The following PEX14 variants were observed in gnomAD, a reference collection of about 807,000 sequenced individuals.
The protein encoded by PEX14 is peroxisomal biogenesis factor 14.
PEX14 carries 15 observed loss-of-function variants against 49.5 expected under a neutral mutation model. The observed-to-expected ratio is 0.30, with a 90% CI of 0.20 to 0.47. PEX14 has a LOEUF of 0.47. Ranked by LOEUF, PEX14 falls within the 20% of genes least tolerant of loss-of-function variation. The pLI is 1.00. For missense variants in PEX14, 398 were observed against 494.8 expected, an observed-to-expected ratio of 0.80 and a Z score of 1.86; for synonymous variants, 210 against 212.7, an observed-to-expected ratio of 0.99 and a Z score of 0.11.
At chr1:10,600,016 C>T (rs1475986210) in intron 4 of PEX14, among the ~76,000 whole-genome samples, 2 of 152,184 alleles carry the variant, frequency 1.3e-5, no homozygotes, top group African/African-American at 4.8e-5. Context: ...TAAATGCATA[C>T]CTCCAAAATG....
At chr1:10,585,354 G>A (rs1640449947) in intron 3 of PEX14, among the ~76,000 whole-genome samples, 1 of 152,084 alleles carries the variant, frequency 6.6e-6, no homozygotes, top group Non-Finnish European at 1.5e-5. Context: ...AGAGAAAAGA[G>A]AGCACTAAAC....
intron 3 of PEX14, among the ~76,000 whole-genome samples, chr1:10,574,627 G>A (rs181542785): frequency 2.8e-4 from 43 of 152,144 alleles, no homozygotes; most frequent in Middle Eastern, 3.4e-3. Context: ...AAAAACAGGA[G>A]ATGCTACACA....
At chr1:10,576,925 G>A (rs552195489) in intron 3 of PEX14, among the ~76,000 whole-genome samples, 2 of 151,818 alleles carry the variant, frequency 1.3e-5, no homozygotes, top group African/African-American at 2.4e-5. Flanking sequence ...GCTAATTTTT[G>A]TATTTTTAGT....
chr1:10,557,710 A>T (rs965114974), intron 3 of PEX14, among the ~76,000 whole-genome samples: 2 of 152,216 alleles, frequency 1.3e-5, no homozygotes, highest in Non-Finnish European at 2.9e-5. Context: ...CAGCCTCAAC[A>T]CCAGTTGGCC....
chr1:10,601,203 A>C (rs1378453234), intron 4 of PEX14, among the ~76,000 whole-genome samples: 1 of 150,162 alleles, frequency 6.7e-6, no homozygotes, highest in Non-Finnish European at 1.5e-5. Context: ...TGGAGGTTGC[A>C]ATGAGCTGAG....
At chr1:10,607,172 G>T (rs907135632) in intron 4 of PEX14, among the ~76,000 whole-genome samples, 3 of 150,188 alleles carry the variant, frequency 2.0e-5, no homozygotes, top group Non-Finnish European at 4.4e-5. Context: ...TTTTCTTTCC[G>T]CTCAGCGTAG....
At chr1:10,615,662 G>T (rs1641393551) in intron 4 of PEX14, among the ~76,000 whole-genome samples, 1 of 152,228 alleles carries the variant, frequency 6.6e-6, no homozygotes, top group Admixed American at 6.5e-5. Context: ...CAGGGTGCGT[G>T]TCCCCATGTG....
At chr1:10,574,492 A>C (rs1315102936) in intron 3 of PEX14, among the ~76,000 whole-genome samples, 1 of 152,216 alleles carries the variant, frequency 6.6e-6, no homozygotes, top group East Asian at 1.9e-4. Context: ...ATATTAAACC[A>C]TGTATATCAT....
At chr1:10,478,066 T>A (rs75722528) in intron 1 of PEX14, among the ~76,000 whole-genome samples, 6 of 151,796 alleles carry the variant, frequency 4.0e-5, no homozygotes, top group African/African-American at 1.2e-4. Flanking sequence ...TTTTTTTTTT[T>A]AAGTAGAAAT....
At chr1:10,594,676 G>A (rs979100854) in intron 3 of PEX14, among the ~76,000 whole-genome samples, 6 of 152,312 alleles carry the variant, frequency 3.9e-5, no homozygotes, top group Admixed American at 6.5e-5. Flanking sequence ...GCCAAGCCCC[G>A]TGGCAGTGCC....
intron 2 of PEX14, among the ~76,000 whole-genome samples, chr1:10,535,354 A>G (rs1638768940): frequency 6.6e-6 from 1 of 152,218 alleles, no homozygotes; most frequent in Non-Finnish European, 1.5e-5. Flanking sequence ...AGATAGGAAG[A>G]TTTCATTAAA....
chr1:10,598,818 C>G (rs1359548347), intron 3 of PEX14, among the ~76,000 whole-genome samples: 2 of 151,948 alleles, frequency 1.3e-5, no homozygotes, highest in African/African-American at 2.4e-5. Flanking sequence ...GTCGTCTCAC[C>G]CAATAATTAG....
At chr1:10,600,322 G>A (rs1418912991) in intron 4 of PEX14, among the ~76,000 whole-genome samples, 8 of 152,184 alleles carry the variant, frequency 5.3e-5, no homozygotes, top group Admixed American at 5.2e-4. Context: ...TCAGGAGGCT[G>A]AGGAAGGAGA....
chr1:10,615,108 T>G (rs189790435), intron 4 of PEX14, among the ~76,000 whole-genome samples: 1 of 152,070 alleles, frequency 6.6e-6, no homozygotes, highest in Non-Finnish European at 1.5e-5. Context: ...AGACACCGAG[T>G]GTCACTGCAC....
chr1:10,622,928 C>A, intron 5 of PEX14, 91 bp from the exon 6 acceptor site: 1 of 871,874 alleles, frequency 1.1e-6, no homozygotes, highest in Non-Finnish European at 1.9e-6. Flanking sequence ...CCAGGGATGA[C>A]AGGGAGAAAG....
chr1:10,479,446 C>A (rs11121578), intron 1 of PEX14, among the ~76,000 whole-genome samples: 8,623 of 152,198 alleles, frequency 0.057, 838 homozygotes, highest in African/African-American at 0.2. Flanking sequence ...GCCCAGCCAG[C>A]ATGGCTGATC....
chr1:10,505,577 C>T (rs2506904), intron 2 of PEX14, among the ~76,000 whole-genome samples: 147,010 of 152,232 alleles, frequency 0.97, 71,180 homozygotes, highest in East Asian at 1. Context: ...AGGGTCCCAC[C>T]GTGTTGGCCA....
intron 5 of PEX14, among the ~76,000 whole-genome samples, chr1:10,618,811 C>T (rs1483718458): frequency 1.3e-5 from 2 of 152,184 alleles, no homozygotes; most frequent in Non-Finnish European, 2.9e-5. Flanking sequence ...TTTGCTGAGC[C>T]CTGGCTCTGC....
chr1:10,605,333 G>A (rs1235754842), intron 4 of PEX14, among the ~76,000 whole-genome samples: 1 of 152,164 alleles, frequency 6.6e-6, no homozygotes, highest in Non-Finnish European at 1.5e-5. Context: ...TTCAGGAGCT[G>A]CTGTTCATCG....
Sources: gnomAD v4.1 joint callset for allele counts (sites outside exome capture counted in the v4.1 genomes callset) on GRCh38, gnomAD v4.1.1 for gene constraint, MANE v1.5 for transcripts, NCBI Gene and HGNC (gene_info 2026-07-23, HGNC 2026-07-21) for gene names.